HOTAIR: variants seen among roughly 807,000 people sequenced by gnomAD.
HOTAIR encodes HOX transcript antisense RNA.
At chr12:53,974,657 G>A (rs1351758964) in intron 1 of HOTAIR, among the ~76,000 whole-genome samples, 1 of 151,390 alleles carries the variant, frequency 6.6e-6, no homozygotes, top group Non-Finnish European at 1.5e-5. Flanking sequence ...GCTGCCCCGC[G>A]GGCTTCCCGG....
At chr12:53,972,651 G>A (rs568477537) in intron 1 of HOTAIR, among the ~76,000 whole-genome samples, 1 of 152,282 alleles carries the variant, frequency 6.6e-6, no homozygotes, top group South Asian at 2.1e-4. Flanking sequence ...GTGAACAGGC[G>A]GTGTCTCTGC....
exon 7 of HOTAIR, chr12:53,963,053 G>A (rs976884915): frequency 6.6e-6 from 1 of 152,250 alleles, no homozygotes; most frequent in Admixed American, 6.5e-5. Context: ...ATTCCTGGGT[G>A]GGTGCTGAAC....
intron 5 of HOTAIR, chr12:53,964,347 A>G (rs2136370126): frequency 6.6e-6 from 1 of 152,338 alleles, no homozygotes; most frequent in South Asian, 2.1e-4. Context: ...ATAGTCATCT[A>G]TTAAGAGCAG....
chr12:53,973,966 G>A lies in HOTAIR; in HGVS notation n.59+932C>T. The A allele has an allele frequency of 7.7e-6, 11 of 1,420,662 alleles. No homozygotes were observed. The highest frequency in any genetic ancestry group is 1.0e-5 in the Non-Finnish European group (11 of 1,082,980). The allele number at this position is 1,420,662 out of a possible 1,614,324, so 88.0% of individuals were successfully genotyped here. ...GGGAACGGGCGGGCAGCGAGGGAGG[G>A]AGCGAGAGAGGGAGGGCGAGAGAAG... On this transcript the variant is annotated intron_variant and non_coding_transcript_variant, in intron 1 of 6. Coordinates refer to ENST00000424518, the Ensembl canonical transcript of HOTAIR. The surrounding 1 kb of genome is among the most constrained non-coding windows in gnomAD (Gnocchi z 4.3).
chr12:53,971,940 A>G (rs1377161620), intron 1 of HOTAIR, among the ~76,000 whole-genome samples: 1 of 152,206 alleles, frequency 6.6e-6, no homozygotes, highest in Non-Finnish European at 1.5e-5. Context: ...AGGAGGCACT[A>G]AGATCTGGTC....
At chr12:53,967,426 G>A (rs912256820) in intron 2 of HOTAIR, 2 of 152,250 alleles carry the variant, frequency 1.3e-5, no homozygotes, top group Admixed American at 1.3e-4. Flanking sequence ...CAAAGGAAGA[G>A]GATTTGATTA....
chr12:53,964,334 T>A (rs1296401945), intron 5 of HOTAIR: 1 of 152,198 alleles, frequency 6.6e-6, no homozygotes, highest in Non-Finnish European at 1.5e-5. Context: ...TAATTTTACT[T>A]TTATAGTCAT....
In HOTAIR at chr12:53,973,132, A is replaced by G; in HGVS notation, n.59+1766T>C. ...AATATCTACTTTGGATCACGTGCTCAGAGAGAGAGAGACTAAGACGGATAA... is the reference window on the plus strand; with the variant it reads ...AATATCTACTTTGGATCACGTGCTCGGAGAGAGAGAGACTAAGACGGATAA... On this transcript the variant is annotated intron_variant and non_coding_transcript_variant, in intron 1 of 6. Coordinates refer to ENST00000424518, the Ensembl canonical transcript of HOTAIR. This position sits in a 1 kb window ranked among gnomAD's most constrained non-coding sequence, Gnocchi z 4.3. 1 of 712,338 alleles carries G rather than the reference A, an allele frequency of 1.4e-6. No individual in the cohort carries two copies. The highest frequency in any genetic ancestry group is 2.2e-6 in the Non-Finnish European group (1 of 451,710). The allele number at this position is 712,338 out of a possible 1,614,324, so 44.1% of individuals were successfully genotyped here.
chr12:53,963,222 A>C (rs1457491972), exon 7 of HOTAIR: 4 of 152,226 alleles, frequency 2.6e-5, no homozygotes, highest in Non-Finnish European at 5.9e-5. Flanking sequence ...GCCGGGACAG[A>C]GAGGCTTCCG....
chr12:53,971,425 T>C (rs1243723799), intron 1 of HOTAIR, among the ~76,000 whole-genome samples: 2 of 152,178 alleles, frequency 1.3e-5, no homozygotes, highest in Non-Finnish European at 2.9e-5. Context: ...GCAGGAGCAT[T>C]GAGGAGGAAT....
At chr12:53,970,018 C>T (rs909073310) in intron 1 of HOTAIR, among the ~76,000 whole-genome samples, 5 of 152,304 alleles carry the variant, frequency 3.3e-5, no homozygotes, top group South Asian at 2.1e-4. Flanking sequence ...CCCTGTTGTC[C>T]GTGTGTTGGA....
At chr12:53,964,713 A>C (rs1939019155) in intron 5 of HOTAIR, among the ~76,000 whole-genome samples, 1 of 152,192 alleles carries the variant, frequency 6.6e-6, no homozygotes, top group Admixed American at 6.5e-5. Flanking sequence ...AGGAGGGGCC[A>C]GGGGTGTATG....
In HOTAIR at chr12:53,973,231, AGAG is replaced by A. The variant is rs1453282090; in HGVS notation, n.59+1664_59+1666del. The A allele has an allele frequency of 5.2e-6, 8 of 1,550,618 alleles. 1 individual carries two copies. The highest frequency in any genetic ancestry group is 1.7e-4 in the Middle Eastern group (1 of 5,756). Reference sequence around the variant, plus strand: ...AAAACCTCCATCCGGAGCCGGCAGGAGAGGAGAACGATGTTTAACTCGGTCAAC... The same window carrying A: ...AAAACCTCCATCCGGAGCCGGCAGGAGAGAACGATGTTTAACTCGGTCAAC... On this transcript the variant is annotated intron_variant and non_coding_transcript_variant, in intron 1 of 6. Coordinates refer to ENST00000424518, the Ensembl canonical transcript of HOTAIR. This position sits in a 1 kb window ranked among gnomAD's most constrained non-coding sequence, Gnocchi z 4.3.
rs779496207 is a variant in HOTAIR, at chr12:53,973,378, C to T, written n.59+1520G>A. ...ACTTACTACATGCCCGAGTTCTCCA[C>T]GGTCTCCTCCTTCCTGCCCCAGGCC... is the stretch of plus-strand genomic sequence containing the variant. On this transcript the variant is annotated intron_variant and non_coding_transcript_variant, in intron 1 of 6. Coordinates refer to ENST00000424518, the Ensembl canonical transcript of HOTAIR. The surrounding 1 kb of genome is among the most constrained non-coding windows in gnomAD (Gnocchi z 4.3). 1.9e-6 allele frequency: 3 copies of T among 1,614,214 alleles called. No homozygotes were observed. Among genetic ancestry groups the T allele is most frequent in the Non-Finnish European group, 2.5e-6 (3 of 1,180,042 alleles).
intron 1 of HOTAIR, among the ~76,000 whole-genome samples, chr12:53,972,763 G>T (rs1479289069): frequency 6.6e-6 from 1 of 152,150 alleles, no homozygotes; most frequent in Non-Finnish European, 1.5e-5. Context: ...CCCTCCTGGT[G>T]CTGCTCACAG....
chr12:53,969,447 C>A (rs1006662231), intron 1 of HOTAIR, among the ~76,000 whole-genome samples: 4 of 152,170 alleles, frequency 2.6e-5, no homozygotes, highest in African/African-American at 7.2e-5. Context: ...GCTTAGGTGG[C>A]CTGACTTGGG....
At chr12:53,965,379 T>A (rs1939033200) in intron 5 of HOTAIR, among the ~76,000 whole-genome samples, 2 of 152,174 alleles carry the variant, frequency 1.3e-5, no homozygotes, top group Non-Finnish European at 2.9e-5. Flanking sequence ...GAAGACAGGG[T>A]CTTATCCAAA....
chr12:53,974,852 G>A, intron 1 of HOTAIR: 1 of 261,660 alleles, frequency 3.8e-6, no homozygotes, highest in Non-Finnish European at 7.2e-6. Flanking sequence ...AAGGGCCCGA[G>A]GGCGGAGGGG....
chr12:53,973,151 C>A lies in HOTAIR; in HGVS notation n.59+1747G>T. On this transcript the variant is annotated intron_variant and non_coding_transcript_variant, in intron 1 of 6. Coordinates refer to ENST00000424518, the Ensembl canonical transcript of HOTAIR. This position sits in a 1 kb window ranked among gnomAD's most constrained non-coding sequence, Gnocchi z 4.3. ...GTGCTCAGAGAGAGAGAGACTAAGACGGATAACGCGTCATCTCGCCTTCCC... is the reference window on the plus strand; with the variant it reads ...GTGCTCAGAGAGAGAGAGACTAAGAAGGATAACGCGTCATCTCGCCTTCCC... The A allele has an allele frequency of 1.1e-6, 1 of 937,304 alleles. No homozygotes were observed. The highest frequency in any genetic ancestry group is 1.7e-5 in the South Asian group (1 of 60,096). 58.1% of individuals were successfully genotyped at this position (937,304 alleles called of 1,614,324 possible).
Sources: allele counts gnomAD v4.1 joint callset (sites outside exome capture counted in the v4.1 genomes callset), GRCh38; gene constraint gnomAD v4.1.1; non-coding constraint Gnocchi (gnomAD v3.1); transcripts MANE v1.5; gene names NCBI Gene and HGNC (gene_info 2026-07-23, HGNC 2026-07-21).